Variants in A2M observed in about 807,000 individuals in gnomAD.
A2M encodes the protein alpha-2-macroglobulin.
A2M carries 128 observed loss-of-function variants against 183.9 expected under a neutral mutation model. That is an observed-to-expected ratio of 0.70 (90% confidence interval 0.60 to 0.81). The LOEUF is 0.81. A2M is among the 30% of genes least tolerant of loss of function. A2M has a pLI of 0.00. For missense variants in A2M, 1,495 were observed against 1,787.6 expected (o/e 0.84, Z 2.95); for synonymous variants, 592 against 670.8 (o/e 0.88, Z 1.81).
chr12:9,113,321 A>G, intron 2 of A2M, 39 bp downstream of exon 2: 1 of 1,603,176 alleles, frequency 6.2e-7, no homozygotes, highest in Non-Finnish European at 8.5e-7. Context: ...GACCCTGACT[A>G]AAAGAACCAA....
chr12:9,075,224 T>A (rs1171853677), intron 28 of A2M, among the ~76,000 whole-genome samples: 1 of 152,066 alleles, frequency 6.6e-6, no homozygotes, highest in Non-Finnish European at 1.5e-5. Flanking sequence ...AATACAGTAA[T>A]CCTTGAAATA....
At chr12:9,094,900 C>T (rs1437060028) in intron 17 of A2M, 73 bp downstream of exon 17, 1 of 765,896 alleles carries the variant, frequency 1.3e-6, no homozygotes, top group Non-Finnish European at 1.9e-6. Flanking sequence ...ATTTTTGTCA[C>T]ATTGTATCTT....
At chr12:9,093,035 T>C (rs1391041769) in intron 18 of A2M, among the ~76,000 whole-genome samples, 1 of 152,194 alleles carries the variant, frequency 6.6e-6, no homozygotes, top group Non-Finnish European at 1.5e-5. Flanking sequence ...TACTTGTATG[T>C]GGATGCTAAA....
Position 9,079,241 on chromosome 12 carries a change from T to C in A2M, c.3119+3A>G. On this transcript the variant is annotated splice_donor_region_variant and intron_variant, in intron 25 of 35. Transcript: ENST00000318602. ...GAAGCTCAAAAAATTGTTCTTTCCT[T>C]ACCAGGTGTTGCCCTGGTTCCTGCC... The C allele has an allele frequency of 6.2e-7, 1 of 1,612,608 alleles. No individual in the cohort carries two copies. Among genetic ancestry groups the C allele is most frequent in the African/African-American group, 1.3e-5 (1 of 74,944 alleles).
At chr12:9,078,393 G>A (rs1035305742) in intron 25 of A2M, among the ~76,000 whole-genome samples, 3 of 152,152 alleles carry the variant, frequency 2.0e-5, no homozygotes, top group Non-Finnish European at 2.9e-5. Flanking sequence ...TTGCTGCATA[G>A]TATTCCATGA....
At chr12:9,094,372 T>TAC (rs1565592551) in intron 17 of A2M, among the ~76,000 whole-genome samples, 1 of 142,988 alleles carries the variant, frequency 7.0e-6, no homozygotes, top group African/African-American at 2.6e-5. Flanking sequence ...TATATATATA[T>TAC]ATACCTATAC....
chr12:9,089,898 T>G lies in A2M; in HGVS notation c.2718+4A>C. 1 of 1,606,954 alleles carries G rather than the reference T, an allele frequency of 6.2e-7. No homozygotes were observed. The highest frequency in any genetic ancestry group is 8.5e-7 in the Non-Finnish European group (1 of 1,175,122). On this transcript the variant is annotated splice_donor_region_variant and intron_variant, in intron 21 of 35. Transcript: ENST00000318602. Reference sequence around the variant, plus strand: ...TGGACTATATATTATTTAGGTTTACTTACTTCAACCAACAGAGGCTTGATG... The same window carrying G: ...TGGACTATATATTATTTAGGTTTACGTACTTCAACCAACAGAGGCTTGATG...
At chr12:9,106,954 C>T (rs1444724975) in intron 8 of A2M, among the ~76,000 whole-genome samples, 3 of 152,140 alleles carry the variant, frequency 2.0e-5, no homozygotes, top group East Asian at 1.9e-4. Flanking sequence ...GTAATGATCA[C>T]ATCGCGGGAT....
Position 9,091,393 on chromosome 12 carries a change from A to G in A2M, c.2277T>C (p.Pro759=), listed in dbSNP as rs1250777920. 2 of 1,614,216 alleles carry G rather than the reference A, an allele frequency of 1.2e-6. No homozygotes were observed. ...CTGCCTTCCACTCGGTGATGGTGTCAGGGACTGTTACTCCTACCTCAGCCA... is the reference window on the plus strand; with the variant it reads ...CTGCCTTCCACTCGGTGATGGTGTCGGGGACTGTTACTCCTACCTCAGCCA... The part of the protein sequence containing the change: ...AGVAEVGVTV[P]DTITEWKAGA... The change falls in exon 19 of 36, where the codon CCT becomes CCC. Residue 759 remains proline (P), a synonymous_variant. Transcript: ENST00000318602.
intron 22 of A2M, among the ~76,000 whole-genome samples, chr12:9,083,201 G>C (rs1222480432): frequency 2.0e-5 from 3 of 152,062 alleles, no homozygotes; most frequent in Non-Finnish European, 4.4e-5. Flanking sequence ...GAGAACACTT[G>C]GACACAGGAA....
rs1212196472 is a variant in A2M, at chr12:9,101,679, T to G, written c.1267-5A>C. On this transcript the variant is annotated splice_region_variant and splice_polypyrimidine_tract_variant and intron_variant, in intron 11 of 35. Coordinates refer to ENST00000318602, the MANE Select transcript of A2M (RefSeq NM_000014.6). ...ACTACGATCCTTGTAATTGACCTAATGAATTAGAAAAATTATATTATTTTT... is the reference window on the plus strand; with the variant it reads ...ACTACGATCCTTGTAATTGACCTAAGGAATTAGAAAAATTATATTATTTTT... 6.3e-7 allele frequency: 1 copy of G among 1,592,378 alleles called. No homozygotes were observed. The highest frequency in any genetic ancestry group is 1.7e-5 in the Admixed American group (1 of 59,020).
intron 4 of A2M, 31 bp downstream of exon 4, chr12:9,112,128 A>G: frequency 6.2e-7 from 1 of 1,610,678 alleles, no homozygotes; most frequent in Non-Finnish European, 8.5e-7. Context: ...TTATACAGAC[A>G]ATCATTTTAT....
chr12:9,070,650 T>G, intron 31 of A2M, 72 bp from the exon 32 acceptor site: 1 of 1,028,224 alleles, frequency 9.7e-7, no homozygotes, highest in Non-Finnish European at 1.5e-6. Flanking sequence ...ATGTCCATGT[T>G]AAGCATTCCA....
chr12:9,112,516 A>T lies in A2M; in HGVS notation c.291T>A (p.Asn97Lys). The T allele has an allele frequency of 2.5e-6, 4 of 1,613,664 alleles. No homozygotes were observed. In the South Asian group the frequency reaches 4.4e-5, roughly 18 times the overall value. Reference sequence around the variant, plus strand: ...GGACAGTGAGGAACATTACCTCCTCATTGGATGAAGACTTTGGGACCTGAA... The same window carrying T: ...GGACAGTGAGGAACATTACCTCCTCTTTGGATGAAGACTTTGGGACCTGAA... ...VAFAVPKSSS[N>K]EEVMFLTVQV... Residue 97 changes from asparagine to lysine, a missense_variant, in exon 3 of 36, where the codon AAT (asparagine) becomes AAA (lysine). By Grantham distance (94) the Asn-to-Lys change is moderately conservative. Coordinates refer to ENST00000318602, the MANE Select transcript of A2M (RefSeq NM_000014.6).
chr12:9,074,467 T>G (rs1034459235), intron 29 of A2M, 93 bp downstream of exon 29: 1 of 1,208,426 alleles, frequency 8.3e-7, no homozygotes, highest in South Asian at 1.5e-5. Context: ...TACTGTCATC[T>G]GTATTTTTTT....
chr12:9,104,461 T>G, intron 10 of A2M, 61 bp from the exon 11 acceptor site: 3 of 1,503,798 alleles, frequency 2.0e-6, no homozygotes, highest in Non-Finnish European at 2.7e-6. Context: ...CCAAACATAT[T>G]CATTTATCAC....
intron 21 of A2M, 104 bp downstream of exon 21, chr12:9,089,798 C>CAG: frequency 1.2e-6 from 1 of 839,952 alleles, no homozygotes; most frequent in Middle Eastern, 4.4e-4. Context: ...AGAGATAGGA[C>CAG]AGAGAGATAC....
chr12:9,100,975 C>G (rs1853980573), intron 13 of A2M, among the ~76,000 whole-genome samples, 169 bp downstream of exon 13: 1 of 152,042 alleles, frequency 6.6e-6, no homozygotes, highest in South Asian at 2.1e-4. Context: ...GATGGGTGCA[C>G]CAAAATCTCG....
At chr12:9,103,863 G>T (rs1938080048) in intron 11 of A2M, among the ~76,000 whole-genome samples, 1 of 152,174 alleles carries the variant, frequency 6.6e-6, no homozygotes, top group African/African-American at 2.4e-5. Context: ...GAATAGTGCG[G>T]CTATGAACAC....
Sources: gnomAD v4.1 joint callset for allele counts (sites outside exome capture counted in the v4.1 genomes callset) on GRCh38, gnomAD v4.1.1 for gene constraint, MANE v1.5 for transcripts, NCBI Gene and HGNC (gene_info 2026-07-23, HGNC 2026-07-21) for gene names.